The following DPP10 variants were observed in gnomAD, a reference collection of about 807,000 sequenced individuals.
DPP10 encodes dipeptidyl peptidase like 10.
In DPP10, 33 loss-of-function variants were observed where a neutral mutation model predicts 120.9. The observed-to-expected ratio is 0.27, with a 90% CI of 0.21 to 0.37. The LOEUF is 0.37. DPP10 is among the 10% of genes least tolerant of loss of function. The probability of loss-of-function intolerance (pLI) is 1.00; values close to 1 mark genes in which losing one functional copy is unlikely to be tolerated. For synonymous variants in DPP10, 337 were observed against 326.1 expected (o/e 1.03, Z -0.36); for missense variants, 816 against 942.8 (o/e 0.87, Z 1.76).
intron 1 of DPP10, among the ~76,000 whole-genome samples, chr2:114,838,413 G>T (rs989324775): frequency 2.0e-5 from 3 of 152,096 alleles, no homozygotes; most frequent in African/African-American, 4.8e-5. Context: ...TCCCGGATTT[G>T]AGCGACCCTC....
chr2:114,943,889 C>A (rs927363491), intron 1 of DPP10, among the ~76,000 whole-genome samples: 1 of 152,124 alleles, frequency 6.6e-6, no homozygotes, highest in Non-Finnish European at 1.5e-5. Context: ...TGCCTCACTG[C>A]AGTTACATAA....
At chr2:115,442,567 G>GGTT (rs1222143240) in intron 3 of DPP10, among the ~76,000 whole-genome samples, 3 of 152,150 alleles carry the variant, frequency 2.0e-5, no homozygotes, top group East Asian at 3.9e-4. Flanking sequence ...AGATTTTTCT[G>GGTT]GTTGTTTGCC....
intron 1 of DPP10, among the ~76,000 whole-genome samples, chr2:114,824,934 C>G (rs752103540): frequency 1.3e-5 from 2 of 152,152 alleles, no homozygotes; most frequent in Non-Finnish European, 2.9e-5. Context: ...ACCCTGGTAA[C>G]CCTGGAGTGG....
chr2:115,388,667 T>G (rs2067120003), intron 3 of DPP10, among the ~76,000 whole-genome samples: 1 of 152,218 alleles, frequency 6.6e-6, no homozygotes, highest in African/African-American at 2.4e-5. Flanking sequence ...CTTTCCTGAT[T>G]ATGTTGTTTT....
chr2:115,818,664 A>G (rs545034807), intron 21 of DPP10, among the ~76,000 whole-genome samples: 3 of 152,184 alleles, frequency 2.0e-5, no homozygotes, highest in Middle Eastern at 3.2e-3. Flanking sequence ...GAAGAATGAT[A>G]GGCAATAAGA....
intron 1 of DPP10, among the ~76,000 whole-genome samples, chr2:115,151,730 T>C (rs1278514055): frequency 4.6e-5 from 7 of 151,740 alleles, no homozygotes; most frequent in Non-Finnish European, 1.0e-4. Context: ...TTTTTTTTTT[T>C]TTTAAATCCT....
intron 1 of DPP10, among the ~76,000 whole-genome samples, chr2:115,142,552 G>A (rs1426464704): frequency 2.6e-5 from 4 of 152,210 alleles, no homozygotes; most frequent in African/African-American, 9.6e-5. Flanking sequence ...GAGATTTACT[G>A]CAGCTTTGAA....
At chr2:115,041,678 A>G (rs756958451) in intron 1 of DPP10, among the ~76,000 whole-genome samples, 3 of 152,148 alleles carry the variant, frequency 2.0e-5, no homozygotes, top group Non-Finnish European at 1.5e-5. Flanking sequence ...GTTTTTCCAC[A>G]CAGTATATCT....
chr2:115,340,682 A>C (rs1019545530), intron 2 of DPP10, among the ~76,000 whole-genome samples: 1 of 151,758 alleles, frequency 6.6e-6, no homozygotes, highest in African/African-American at 2.4e-5. Context: ...AATGTAAATG[A>C]AATATGTGGA....
chr2:115,566,536 A>G (rs1013875266), intron 5 of DPP10, among the ~76,000 whole-genome samples: 6 of 152,068 alleles, frequency 3.9e-5, no homozygotes, highest in Non-Finnish European at 1.5e-5. Flanking sequence ...CCAATTTTCT[A>G]GATTTGGCCA....
intron 1 of DPP10, among the ~76,000 whole-genome samples, chr2:114,945,467 G>A (rs1470975525): frequency 1.3e-5 from 2 of 152,124 alleles, no homozygotes; most frequent in Non-Finnish European, 2.9e-5. Flanking sequence ...CAGAGGGCAG[G>A]TAAGCATATG....
chr2:115,684,527 G>T (rs1208508349), intron 5 of DPP10, among the ~76,000 whole-genome samples: 3 of 151,770 alleles, frequency 2.0e-5, no homozygotes, highest in Non-Finnish European at 2.9e-5. Context: ...TCACAGTTCA[G>T]TTTTCCTAAC....
chr2:114,907,257 A>G (rs940306099), intron 1 of DPP10, among the ~76,000 whole-genome samples: 2 of 151,954 alleles, frequency 1.3e-5, no homozygotes, highest in Non-Finnish European at 2.9e-5. Flanking sequence ...AGAGAACCAA[A>G]TTAGATTTTC....
intron 1 of DPP10, among the ~76,000 whole-genome samples, chr2:114,567,515 A>G (rs1689293960): frequency 6.6e-6 from 1 of 152,210 alleles, no homozygotes; most frequent in African/African-American, 2.4e-5. Context: ...CCATAAGCCA[A>G]GGAACGTATG....
intron 19 of DPP10, 48 bp downstream of exon 19, chr2:115,791,404 A>G (rs1314668342): frequency 6.7e-7 from 1 of 1,499,150 alleles, no homozygotes; most frequent in Non-Finnish European, 9.0e-7. Context: ...AAGATTTTAT[A>G]TTTTTGTGTC....
intron 1 of DPP10, chr2:114,835,467 G>A (rs1052844947): frequency 3.3e-5 from 5 of 152,038 alleles, no homozygotes; most frequent in African/African-American, 9.7e-5. Context: ...TACCCACAGC[G>A]ATTTTCTATC....
At chr2:115,615,186 T>C (rs185475065) in intron 5 of DPP10, among the ~76,000 whole-genome samples, 1 of 152,246 alleles carries the variant, frequency 6.6e-6, no homozygotes, top group East Asian at 1.9e-4. Flanking sequence ...GTAACATCAC[T>C]TTTTTAACCA....
chr2:115,381,660 T>C (rs1020623739), intron 3 of DPP10, among the ~76,000 whole-genome samples: 1 of 152,220 alleles, frequency 6.6e-6, no homozygotes, highest in Non-Finnish European at 1.5e-5. Context: ...TTTTCTGCTC[T>C]GGTTTTTCCC....
intron 1 of DPP10, among the ~76,000 whole-genome samples, chr2:114,676,987 G>A (rs1698713360): frequency 6.6e-6 from 1 of 152,074 alleles, no homozygotes; most frequent in African/African-American, 2.4e-5. Flanking sequence ...TCAAGGAGAA[G>A]CAGTAATTTG....
Sources: gnomAD v4.1 joint callset for allele counts (sites outside exome capture counted in the v4.1 genomes callset) on GRCh38, gnomAD v4.1.1 for gene constraint, MANE v1.5 for transcripts, NCBI Gene and HGNC (gene_info 2026-07-23, HGNC 2026-07-21) for gene names.